The following WNT7A variants were observed in gnomAD, a reference collection of about 807,000 sequenced individuals.
The protein encoded by WNT7A is Wnt family member 7A.
WNT7A carries 16 observed loss-of-function variants against 28.2 expected under a neutral mutation model. The ratio of observed to expected loss-of-function variants is 0.57; its 90% confidence interval spans 0.38 to 0.86. The LOEUF is 0.86. WNT7A is among the 40% of genes least tolerant of loss of function. WNT7A has a pLI of 0.00. For synonymous variants in WNT7A, 190 were observed against 195.9 expected, an observed-to-expected ratio of 0.97 and a Z score of 0.25; for missense variants, 411 against 489.7, an observed-to-expected ratio of 0.84 and a Z score of 1.52.
At chr3:13,874,377 T>C (rs1312184443) in intron 2 of WNT7A, among the ~76,000 whole-genome samples, 4 of 152,184 alleles carry the variant, frequency 2.6e-5, no homozygotes, top group Non-Finnish European at 5.9e-5. Context: ...TGTATGTATG[T>C]GTCTGCACAC....
intron 1 of WNT7A, among the ~76,000 whole-genome samples, chr3:13,877,376 C>A (rs1695126015): frequency 6.6e-6 from 1 of 152,222 alleles, no homozygotes; most frequent in African/African-American, 2.4e-5. Context: ...AAACCCGAGT[C>A]TAACACACAC....
At chr3:13,834,655 C>T (rs1442991847) in intron 3 of WNT7A, among the ~76,000 whole-genome samples, 1 of 152,162 alleles carries the variant, frequency 6.6e-6, no homozygotes, top group Non-Finnish European at 1.5e-5. Flanking sequence ...TGCCCTTCTG[C>T]CTTGGGGTAC....
At chr3:13,860,615 G>A (rs1395080974) in intron 2 of WNT7A, among the ~76,000 whole-genome samples, 3 of 152,024 alleles carry the variant, frequency 2.0e-5, no homozygotes, top group Non-Finnish European at 4.4e-5. Context: ...GGAAACTGAG[G>A]CTTGGGGAGA....
At chr3:13,856,060 C>T (rs900946778) in intron 2 of WNT7A, among the ~76,000 whole-genome samples, 1 of 152,148 alleles carries the variant, frequency 6.6e-6, no homozygotes, top group Non-Finnish European at 1.5e-5. Context: ...CTTGTCCCCC[C>T]ACCCCATCGC....
In WNT7A at chr3:13,879,909, G is replaced by C. The variant is rs1695183496; in HGVS notation, c.-93C>G. 4 of 996,606 alleles carry C rather than the reference G, an allele frequency of 4.0e-6. No homozygotes were observed. The highest frequency in any genetic ancestry group is 2.7e-6 in the Non-Finnish European group (2 of 752,220). The allele number at this position is 996,606 out of a possible 1,614,324, so 61.7% of individuals were successfully genotyped here. On this transcript the variant is annotated 5_prime_UTR_variant, in exon 1 of 4. Coordinates refer to ENST00000285018, the MANE Select transcript of WNT7A (RefSeq NM_004625.4). The stretch of plus-strand genomic sequence containing the variant: ...AATCAACATAGCCCGCCCGGGAGGC[G>C]CGAGCCGAGGCGTCCCCGGGGCCGT...
At chr3:13,821,622 G>A (rs1053276181) in intron 3 of WNT7A, among the ~76,000 whole-genome samples, 1 of 152,212 alleles carries the variant, frequency 6.6e-6, no homozygotes, top group Non-Finnish European at 1.5e-5. Context: ...ACACTGACAG[G>A]GACTAACTCA....
chr3:13,840,483 C>T (rs1308042725), intron 3 of WNT7A, among the ~76,000 whole-genome samples: 1 of 152,186 alleles, frequency 6.6e-6, no homozygotes, highest in Non-Finnish European at 1.5e-5. Context: ...GGATTTCCAT[C>T]CTTTCTTTCA....
intron 3 of WNT7A, among the ~76,000 whole-genome samples, chr3:13,822,840 C>T (rs1694134449): frequency 6.6e-6 from 1 of 152,154 alleles, no homozygotes; most frequent in Admixed American, 6.5e-5. Context: ...GGGCTACTAC[C>T]GTGGTGGGCC....
At chr3:13,834,989 C>T (rs112737719) in intron 3 of WNT7A, among the ~76,000 whole-genome samples, 290 of 152,266 alleles carry the variant, frequency 1.9e-3, no homozygotes, top group African/African-American at 6.5e-3. Flanking sequence ...AGAAAGAAAG[C>T]GACTGGAGTG....
intron 2 of WNT7A, among the ~76,000 whole-genome samples, chr3:13,856,780 T>C (rs959282256): frequency 1.3e-5 from 2 of 151,360 alleles, no homozygotes; most frequent in African/African-American, 4.9e-5. Context: ...ACTGTGCCAC[T>C]GCACTCCATC....
intron 2 of WNT7A, among the ~76,000 whole-genome samples, chr3:13,856,088 G>A (rs919205951): frequency 1.9e-4 from 28 of 150,966 alleles, no homozygotes; most frequent in Non-Finnish European, 1.5e-5. Flanking sequence ...CCACCCTGCA[G>A]AAGGTAGGCC....
intron 3 of WNT7A, among the ~76,000 whole-genome samples, chr3:13,830,727 C>A (rs1452485188): frequency 6.6e-6 from 1 of 152,238 alleles, no homozygotes; most frequent in Non-Finnish European, 1.5e-5. Context: ...CCCCAAGCCA[C>A]ACTTTCTCTA....
chr3:13,835,691 C>T (rs528061212), intron 3 of WNT7A, among the ~76,000 whole-genome samples: 18 of 152,354 alleles, frequency 1.2e-4, no homozygotes, highest in South Asian at 2.1e-4. Context: ...AACACTAACA[C>T]CAGAAACACA....
intron 3 of WNT7A, among the ~76,000 whole-genome samples, chr3:13,843,198 G>T (rs1244854252): frequency 6.6e-6 from 1 of 152,184 alleles, no homozygotes; most frequent in African/African-American, 2.4e-5. Context: ...TTAGGAATAA[G>T]ATGTAAGAAT....
chr3:13,835,354 C>A (rs1055113421), intron 3 of WNT7A, among the ~76,000 whole-genome samples: 6 of 152,172 alleles, frequency 3.9e-5, no homozygotes, highest in African/African-American at 1.4e-4. Context: ...AGAGAGAGAA[C>A]GGGAAAGCAC....
At chr3:13,879,700 C>T (rs771995645) in intron 1 of WNT7A, 46 bp downstream of exon 1, 11 of 1,595,636 alleles carry the variant, frequency 6.9e-6, no homozygotes, top group Admixed American at 1.7e-5. Flanking sequence ...CCGGGCCGTG[C>T]CAACTTTGTC....
intron 3 of WNT7A, among the ~76,000 whole-genome samples, chr3:13,854,202 G>T (rs1287960555): frequency 6.6e-6 from 1 of 152,116 alleles, no homozygotes; most frequent in African/African-American, 2.4e-5. Flanking sequence ...GAGAAAAAAG[G>T]AGGGAGAGAG....
At chr3:13,860,157 T>G (rs530657407) in intron 2 of WNT7A, among the ~76,000 whole-genome samples, 1 of 152,302 alleles carries the variant, frequency 6.6e-6, no homozygotes, top group East Asian at 1.9e-4. Flanking sequence ...GTGAAGGTGT[T>G]TCACAACATT....
chr3:13,862,285 A>T (rs1694842941), intron 2 of WNT7A, among the ~76,000 whole-genome samples: 1 of 152,258 alleles, frequency 6.6e-6, no homozygotes. Flanking sequence ...TAACGATCCC[A>T]GCGGGTACAG....
Sources: gnomAD v4.1 joint callset for allele counts (sites outside exome capture counted in the v4.1 genomes callset) on GRCh38, gnomAD v4.1.1 for gene constraint, MANE v1.5 for transcripts, NCBI Gene and HGNC (gene_info 2026-07-23, HGNC 2026-07-21) for gene names.